KIAA1328: variants seen among roughly 807,000 people sequenced by gnomAD.
The protein encoded by KIAA1328 is protein hinderin.
In KIAA1328, 52 loss-of-function variants were observed where a neutral mutation model predicts 68.1. That is an observed-to-expected ratio of 0.76 (90% CI 0.61 to 0.96). The LOEUF is 0.96. KIAA1328 is among the 40% of genes least tolerant of loss of function. KIAA1328 has a pLI of 0.00. For missense variants in KIAA1328, 641 were observed against 677.6 expected (o/e 0.95, Z 0.60); for synonymous variants, 232 against 239.4 (o/e 0.97, Z 0.28).
At chr18:37,042,409 C>G (rs1325658168) in intron 6 of KIAA1328, among the ~76,000 whole-genome samples, 1 of 152,296 alleles carries the variant, frequency 6.6e-6, no homozygotes, top group East Asian at 1.9e-4. Context: ...GCTCTACCAG[C>G]AGCTATTCTT....
At chr18:36,978,747 AT>A (rs2052568681) in intron 6 of KIAA1328, among the ~76,000 whole-genome samples, 1 of 151,920 alleles carries the variant, frequency 6.6e-6, no homozygotes, top group South Asian at 2.1e-4. Context: ...TCCTTGCCAC[AT>A]TTTCTTCTTT....
intron 8 of KIAA1328, among the ~76,000 whole-genome samples, chr18:37,163,057 AGTAAGAACTT>A: frequency 6.6e-6 from 1 of 152,340 alleles, no homozygotes; most frequent in East Asian, 1.9e-4. Flanking sequence ...TCTAAACTTG[AGTAAGAACTT>A]TTAAAAGGCA....
intron 6 of KIAA1328, among the ~76,000 whole-genome samples, chr18:37,022,614 A>G (rs1568302891): frequency 6.6e-6 from 1 of 151,828 alleles, no homozygotes; most frequent in Non-Finnish European, 1.5e-5. Flanking sequence ...CCAATAAAAA[A>G]CTCTGAAAAA....
intron 5 of KIAA1328, among the ~76,000 whole-genome samples, chr18:36,942,885 T>C (rs1053603761): frequency 2.0e-5 from 3 of 152,226 alleles, no homozygotes; most frequent in Non-Finnish European, 4.4e-5. Flanking sequence ...CATATGTTAA[T>C]TTAAAATTTC....
At chr18:37,062,348 T>A (rs1463607467) in intron 6 of KIAA1328, among the ~76,000 whole-genome samples, 1 of 152,214 alleles carries the variant, frequency 6.6e-6, no homozygotes, top group Non-Finnish European at 1.5e-5. Flanking sequence ...TTTTTCTTTT[T>A]TGTAAATTGG....
intron 6 of KIAA1328, among the ~76,000 whole-genome samples, chr18:36,982,355 T>G (rs989599794): frequency 6.6e-6 from 1 of 151,078 alleles, no homozygotes; most frequent in Non-Finnish European, 1.5e-5. Flanking sequence ...AGTAAATTGC[T>G]TGAAATCAGT....
At chr18:37,163,079 A>C (rs2059315660) in intron 8 of KIAA1328, among the ~76,000 whole-genome samples, 1 of 152,198 alleles carries the variant, frequency 6.6e-6, no homozygotes, top group Non-Finnish European at 1.5e-5. Flanking sequence ...TAAAAGGCAT[A>C]AATCTGGAAA....
chr18:36,914,060 G>C (rs1294194048), intron 5 of KIAA1328, among the ~76,000 whole-genome samples: 3 of 152,122 alleles, frequency 2.0e-5, no homozygotes, highest in Non-Finnish European at 2.9e-5. Context: ...CATCTAAGTG[G>C]TATAAATTTT....
chr18:36,966,160 A>G (rs1284780101), intron 6 of KIAA1328, among the ~76,000 whole-genome samples: 1 of 152,236 alleles, frequency 6.6e-6, no homozygotes, highest in Non-Finnish European at 1.5e-5. Context: ...AACTGTGGCA[A>G]TCAAGCAAAA....
intron 6 of KIAA1328, among the ~76,000 whole-genome samples, chr18:37,060,668 T>G (rs1205547612): frequency 6.6e-6 from 1 of 152,184 alleles, no homozygotes; most frequent in Non-Finnish European, 1.5e-5. Context: ...AAAAGACTTT[T>G]ATCATTACTT....
intron 6 of KIAA1328, among the ~76,000 whole-genome samples, chr18:36,969,102 T>C (rs946923946): frequency 2.6e-5 from 4 of 151,972 alleles, no homozygotes; most frequent in Non-Finnish European, 5.9e-5. Flanking sequence ...AGAACAAAGG[T>C]ACAATATACC....
intron 6 of KIAA1328, among the ~76,000 whole-genome samples, chr18:36,960,301 G>C (rs114751347): frequency 6.6e-6 from 1 of 152,182 alleles, no homozygotes; most frequent in Non-Finnish European, 1.5e-5. Context: ...AACAGTGGCC[G>C]GGAAGCTCGA....
intron 7 of KIAA1328, among the ~76,000 whole-genome samples, chr18:37,103,803 T>C (rs1298717337): frequency 6.9e-6 from 1 of 145,656 alleles, no homozygotes; most frequent in Non-Finnish European, 1.5e-5. Context: ...CAATAGCAAA[T>C]ACACACACAC....
At chr18:36,856,909 A>G (rs1287426598) in intron 4 of KIAA1328, among the ~76,000 whole-genome samples, 4 of 152,126 alleles carry the variant, frequency 2.6e-5, no homozygotes, top group African/African-American at 9.7e-5. Flanking sequence ...CTTCCTTGTC[A>G]TGTAGTCTCT....
intron 8 of KIAA1328, among the ~76,000 whole-genome samples, chr18:37,167,108 G>A (rs553536154): frequency 2.1e-4 from 32 of 152,332 alleles, no homozygotes; most frequent in African/African-American, 5.5e-4. Context: ...TAATGGGGGA[G>A]TGGCTCGCTT....
intron 4 of KIAA1328, among the ~76,000 whole-genome samples, chr18:36,848,398 CAT>C (rs999504026): frequency 5.3e-5 from 8 of 151,120 alleles, no homozygotes; most frequent in Non-Finnish European, 7.4e-5. Flanking sequence ...ATTTTTTTAA[CAT>C]ATATTGGCTT....
At position 37,199,135 on chromosome 18, in the gene KIAA1328, A is replaced by T. The variant is rs550277742; in HGVS notation, c.1524-22882A>T. Among the ~76,000 whole-genome samples the T allele has an allele frequency of 2.6e-5, 4 of 152,318 alleles. No homozygotes were observed. In the South Asian group the frequency reaches 8.3e-4, roughly 32 times the overall value. ...TCAAGGGTACATATGCAGGATGTAC[A>T]GGTTTGTTACACAGGTAAACGTGTG... On this transcript the variant is annotated intron_variant, in intron 9 of 9. Transcript: ENST00000280020.
chr18:36,855,385 G>A (rs1037338934), intron 4 of KIAA1328, among the ~76,000 whole-genome samples: 2 of 152,100 alleles, frequency 1.3e-5, no homozygotes, highest in Non-Finnish European at 2.9e-5. Context: ...GTTTTGTTTT[G>A]TATTTGTTTA....
chr18:37,127,400 AT>A, intron 7 of KIAA1328, among the ~76,000 whole-genome samples: 1 of 152,124 alleles, frequency 6.6e-6, no homozygotes, highest in Non-Finnish European at 1.5e-5. Flanking sequence ...AAAATTAAAA[AT>A]CAGTGCTGAG....
Sources: gnomAD v4.1 joint callset for allele counts (sites outside exome capture counted in the v4.1 genomes callset) on GRCh38, gnomAD v4.1.1 for gene constraint, MANE v1.5 for transcripts, NCBI Gene and HGNC (gene_info 2026-07-23, HGNC 2026-07-21) for gene names.